The following BAZ1A variants were observed in gnomAD, a reference collection of about 807,000 sequenced individuals.
BAZ1A encodes the protein bromodomain adjacent to zinc finger domain protein 1A.
Under a neutral mutation model 185.2 loss-of-function variants are expected in BAZ1A, and 50 were observed. The ratio of observed to expected loss-of-function variants is 0.27; its 90% confidence interval spans 0.22 to 0.34. BAZ1A has a LOEUF of 0.34. BAZ1A is among the 10% of genes least tolerant of loss of function. The pLI is 1.00. For synonymous variants in BAZ1A, 571 were observed against 615.6 expected, an observed-to-expected ratio of 0.93 and a Z score of 1.07; for missense variants, 1,356 against 1,839.9, an observed-to-expected ratio of 0.74 and a Z score of 4.81.
chr14:34,826,174 AT>A lies in BAZ1A; in HGVS notation c.393-19del, dbSNP rs1205208211. The A allele has an allele frequency of 6.2e-7, 1 of 1,603,810 alleles. No individual in the cohort carries two copies. The highest frequency in any genetic ancestry group is 8.5e-7 in the Non-Finnish European group (1 of 1,176,754). Reference sequence around the variant, plus strand: ...ACTGCAACCTGAAATAAAATGATACATTTAAAAATGCAAATCATTTCATATT... The same window carrying A: ...ACTGCAACCTGAAATAAAATGATACATTAAAAATGCAAATCATTTCATATT... On this transcript the variant is annotated intron_variant, in intron 3 of 26. Coordinates refer to ENST00000360310, the MANE Select transcript of BAZ1A (RefSeq NM_013448.3).
At chr14:34,754,359 C>T (rs1311813138) in intron 26 of BAZ1A, among the ~76,000 whole-genome samples, 1 of 142,846 alleles carries the variant, frequency 7.0e-6, no homozygotes, top group East Asian at 2.0e-4. Flanking sequence ...GTCAAGGCTG[C>T]AGTGAACCAA....
intron 3 of BAZ1A, among the ~76,000 whole-genome samples, chr14:34,829,160 G>A (rs928721365): frequency 2.0e-5 from 3 of 151,514 alleles, no homozygotes; most frequent in Non-Finnish European, 4.4e-5. Context: ...CAGCTACTTG[G>A]GAGGCTGAGG....
intron 18 of BAZ1A, among the ~76,000 whole-genome samples, chr14:34,774,810 T>C (rs909381147): frequency 6.6e-6 from 1 of 151,842 alleles, no homozygotes; most frequent in African/African-American, 2.4e-5. Context: ...ATCCAGAATA[T>C]ATAAAGAACT....
intron 3 of BAZ1A, among the ~76,000 whole-genome samples, chr14:34,860,069 G>A (rs1463394368): frequency 6.6e-6 from 1 of 152,144 alleles, no homozygotes; most frequent in Non-Finnish European, 1.5e-5. Flanking sequence ...GCACATTTCA[G>A]ATTAACCCAA....
chr14:34,801,216 A>C, intron 7 of BAZ1A, 23 bp from the exon 8 acceptor site: 1 of 1,527,162 alleles, frequency 6.5e-7, no homozygotes, highest in South Asian at 1.2e-5. Context: ...CCAAAATAGT[A>C]TGCCTGGTTC....
rs942800908 is a variant in BAZ1A, at chr14:34,796,918, G to C, written c.1129-1153C>G. 3.6e-4 allele frequency among the ~76,000 whole-genome samples: 55 copies of C among 152,212 alleles called. 1 individual carries two copies. Among genetic ancestry groups the C allele is most frequent in the Non-Finnish European group, 2.5e-4 (17 of 68,030 alleles). On this transcript the variant is annotated intron_variant, in intron 9 of 26. Coordinates refer to ENST00000360310, the MANE Select transcript of BAZ1A (RefSeq NM_013448.3). ...ACATTCTAATTCATTGTTGCTAACA[G>C]TGTAAATAAGCACATGCTTGGGAAA...
chr14:34,783,130 A>G lies in BAZ1A; in HGVS notation c.2100T>C (p.Asp700=). The part of the protein sequence containing the change: ...KEDEQRNSTA[D]ISIGEEERED... ...GATTCAAACCATACCCAATAGATAT[A>G]TCTGCCGTTGAATTTCTTTGCTCAT... The change falls in exon 16 of 27, where the codon GAT becomes GAC. Residue 700 remains aspartate, a synonymous_variant. Coordinates refer to ENST00000360310, the MANE Select transcript of BAZ1A (RefSeq NM_013448.3). 1 of 1,600,964 alleles carries G rather than the reference A, an allele frequency of 6.2e-7. No individual in the cohort carries two copies. The highest frequency in any genetic ancestry group is 1.3e-5 in the African/African-American group (1 of 74,718).
At chr14:34,759,936 A>G (rs1886451385) in intron 24 of BAZ1A, among the ~76,000 whole-genome samples, 1 of 152,192 alleles carries the variant, frequency 6.6e-6, no homozygotes, top group African/African-American at 2.4e-5. Flanking sequence ...GGGCCTCCCA[A>G]AGTGCTGGGA....
chr14:34,837,420 G>A (rs77462831), intron 3 of BAZ1A, among the ~76,000 whole-genome samples: 1 of 119,754 alleles, frequency 8.4e-6, no homozygotes, highest in Non-Finnish European at 1.8e-5. Context: ...TTTTTTTTTT[G>A]TAGAGATGCG....
chr14:34,763,659 G>A (rs1878594656), intron 23 of BAZ1A, among the ~76,000 whole-genome samples: 3 of 152,064 alleles, frequency 2.0e-5, no homozygotes, highest in Admixed American at 2.0e-4. Flanking sequence ...TCTGCATCAA[G>A]CAAGTTTATT....
intron 17 of BAZ1A, among the ~76,000 whole-genome samples, chr14:34,776,909 A>G (rs1879660122): frequency 6.6e-6 from 1 of 152,132 alleles, no homozygotes; most frequent in South Asian, 2.1e-4. Flanking sequence ...GAGAAAAAAA[A>G]TTTCTGAAGT....
At chr14:34,833,492 C>T (rs1302898714) in intron 3 of BAZ1A, among the ~76,000 whole-genome samples, 1 of 152,130 alleles carries the variant, frequency 6.6e-6, no homozygotes, top group Admixed American at 6.6e-5. Context: ...CACACCACTG[C>T]ACTCCAGCTT....
At chr14:34,830,512 C>A (rs1398746602) in intron 3 of BAZ1A, among the ~76,000 whole-genome samples, 1 of 122,034 alleles carries the variant, frequency 8.2e-6, no homozygotes, top group Non-Finnish European at 1.9e-5. Context: ...AGAAACTTGG[C>A]GGCGGGGGAT....
chr14:34,757,752 T>TG (rs200954797), intron 25 of BAZ1A, among the ~76,000 whole-genome samples: 44,200 of 150,592 alleles, frequency 0.29, 7,142 homozygotes, highest in Non-Finnish European at 0.38. Context: ...CTTTTTTTTT[T>TG]TTTTGAGATG....
In BAZ1A at chr14:34,774,472, C is replaced by T. The variant is rs769169657; in HGVS notation, c.2852G>A (p.Ser951Asn). 6.3e-7 allele frequency: 1 copy of T among 1,598,732 alleles called. No individual in the cohort carries two copies. ...TCTTCCCCGACTATATGTTGGTTTG[C>T]TATCAGGCTGAGGTTTGTCTGAAAT... ...FHFSDKPQPD[S>N]KPTYSRGRSS... is the part of the protein sequence containing the mutation. Residue 951 changes from serine to asparagine, a missense_variant, in exon 19 of 27, where the codon AGC becomes AAC. Coordinates refer to ENST00000360310, the MANE Select transcript of BAZ1A (RefSeq NM_013448.3).
rs562490174 is a variant in BAZ1A, at chr14:34,823,658, T to C, written c.536+2355A>G. On this transcript the variant is annotated intron_variant, in intron 4 of 26. Coordinates refer to ENST00000360310, the MANE Select transcript of BAZ1A (RefSeq NM_013448.3). Reference sequence around the variant, plus strand: ...CCTGGGCAACAAGAGCGAAACTCCATCTCAAAAAAAAAATTTTTCAGATAA... The same window carrying C: ...CCTGGGCAACAAGAGCGAAACTCCACCTCAAAAAAAAAATTTTTCAGATAA... 9.9e-5 allele frequency among the ~76,000 whole-genome samples: 15 copies of C among 151,678 alleles called. 1 individual carries two copies. Among genetic ancestry groups the C allele is most frequent in the Admixed American group, 9.9e-4 (15 of 15,214 alleles).
At chr14:34,779,850 A>C (rs1320269242) in intron 17 of BAZ1A, among the ~76,000 whole-genome samples, 1 of 152,230 alleles carries the variant, frequency 6.6e-6, no homozygotes, top group Non-Finnish European at 1.5e-5. Flanking sequence ...TATTTGGCCC[A>C]AAAAAGTAGT....
At chr14:34,786,603 G>GTTTTTT (rs542523340) in intron 12 of BAZ1A, 2,979 of 106,616 alleles carry the variant, frequency 0.028, 331 homozygotes, top group South Asian at 0.035. Flanking sequence ...TCTTTTATGT[G>GTTTTTT]TGTTTTTTTT....
rs1886410722 is a variant in BAZ1A, at chr14:34,759,184, T to TTTTTTTTTTTTTTTTG, written c.4244-339_4244-338insCAAAAAAAAAAAAAAA. 4.3e-4 allele frequency among the ~76,000 whole-genome samples: 46 copies of TTTTTTTTTTTTTTTTG among 108,098 alleles called. 3 individuals are homozygous for TTTTTTTTTTTTTTTTG. The highest frequency in any genetic ancestry group is 1.5e-3 in the African/African-American group (38 of 25,840). The allele number at this position is 108,098 out of a possible 152,430, so 70.9% of individuals were successfully genotyped here. On this transcript the variant is annotated intron_variant, in intron 24 of 26. Coordinates refer to ENST00000360310, the MANE Select transcript of BAZ1A (RefSeq NM_013448.3). ...TTTACAGCTACAGTTTTTTTTTTTTTTTTTTTTTTTTTTTGAGATGGAGTC... is the reference window on the plus strand; with the variant it reads ...TTTACAGCTACAGTTTTTTTTTTTTTTTTTTTTTTTTTTTTGTTTTTTTTTTTTTTGAGATGGAGTC...
Sources: allele counts gnomAD v4.1 joint callset (sites outside exome capture counted in the v4.1 genomes callset), GRCh38; gene constraint gnomAD v4.1.1; transcripts MANE v1.5; gene names NCBI Gene and HGNC (gene_info 2026-07-23, HGNC 2026-07-21).